Variants in EPHA6 observed in about 807,000 individuals in gnomAD.
EPHA6 encodes EPH receptor A6, also known as ephrin type-A receptor 6.
Under a neutral mutation model 112.0 loss-of-function variants are expected in EPHA6, and 50 were observed. The ratio of observed to expected loss-of-function variants is 0.45; its 90% CI spans 0.36 to 0.56. The LOEUF (loss-of-function observed/expected upper bound fraction) is 0.56. Ranked by LOEUF, EPHA6 falls within the 20% of genes least tolerant of loss-of-function variation. The pLI is 0.00. For synonymous variants in EPHA6, 529 were observed against 490.7 expected, an observed-to-expected ratio of 1.08 and a Z score of -1.03; for missense variants, 1,280 against 1,417.4, an observed-to-expected ratio of 0.90 and a Z score of 1.56.
At chr3:97,048,973 A>G (rs2045600356) in intron 3 of EPHA6, among the ~76,000 whole-genome samples, 1 of 152,198 alleles carries the variant, frequency 6.6e-6, no homozygotes, top group African/African-American at 2.4e-5. Context: ...TAAAGACACG[A>G]AGGAGGTGAG....
At chr3:97,186,723 T>G (rs1338784069) in intron 3 of EPHA6, among the ~76,000 whole-genome samples, 1 of 152,122 alleles carries the variant, frequency 6.6e-6, no homozygotes, top group Non-Finnish European at 1.5e-5. Flanking sequence ...GGATCATTCA[T>G]TTTTGTTTTC....
chr3:97,618,880 T>G (rs2093788776), intron 13 of EPHA6, among the ~76,000 whole-genome samples: 1 of 151,756 alleles, frequency 6.6e-6, no homozygotes, highest in Non-Finnish European at 1.5e-5. Flanking sequence ...CTAAAAAAAT[T>G]GAAAAGGAAG....
At chr3:97,437,389 A>G (rs890339386) in intron 6 of EPHA6, among the ~76,000 whole-genome samples, 2 of 152,116 alleles carry the variant, frequency 1.3e-5, no homozygotes, top group African/African-American at 4.8e-5. Context: ...CCATGTCGTT[A>G]TAATGGTTTA....
chr3:96,999,160 T>A (rs1489159286), intron 3 of EPHA6, among the ~76,000 whole-genome samples: 7 of 151,938 alleles, frequency 4.6e-5, no homozygotes, highest in African/African-American at 1.7e-4. Flanking sequence ...TACTTTGGAA[T>A]TGTAGTAGGC....
intron 3 of EPHA6, among the ~76,000 whole-genome samples, chr3:97,069,114 C>G (rs1169822995): frequency 1.3e-5 from 2 of 152,116 alleles, no homozygotes; most frequent in Non-Finnish European, 2.9e-5. Context: ...GTGACTACCC[C>G]ACAGTTTAAC....
intron 2 of EPHA6, among the ~76,000 whole-genome samples, chr3:96,972,272 G>A (rs1340180485): frequency 1.3e-4 from 20 of 151,876 alleles, no homozygotes. Context: ...GTCCTTTTTA[G>A]TCTATAACTG....
intron 14 of EPHA6, among the ~76,000 whole-genome samples, chr3:97,671,198 G>A (rs1272135880): frequency 6.6e-6 from 1 of 152,168 alleles, no homozygotes; most frequent in Non-Finnish European, 1.5e-5. Flanking sequence ...CTCCCTGTGA[G>A]CATAAATAAC....
chr3:97,382,940 T>C (rs2085839075), intron 5 of EPHA6, among the ~76,000 whole-genome samples: 1 of 152,016 alleles, frequency 6.6e-6, no homozygotes, highest in African/African-American at 2.4e-5. Flanking sequence ...TCTACTCATG[T>C]CCTGAAGATT....
chr3:96,971,128 C>G (rs2042302741), intron 2 of EPHA6, among the ~76,000 whole-genome samples: 1 of 151,896 alleles, frequency 6.6e-6, no homozygotes, highest in African/African-American at 2.4e-5. Context: ...CCATTTAAGG[C>G]CTTTTGGACA....
At chr3:96,974,317 A>G (rs952696768) in intron 2 of EPHA6, among the ~76,000 whole-genome samples, 24 of 149,476 alleles carry the variant, frequency 1.6e-4, no homozygotes, top group Non-Finnish European at 1.6e-4. Context: ...TTATATGTTG[A>G]TGGGGAAGGG....
At chr3:97,729,816 A>G (rs1043150736) in intron 15 of EPHA6, among the ~76,000 whole-genome samples, 6 of 151,936 alleles carry the variant, frequency 3.9e-5, no homozygotes, top group African/African-American at 1.4e-4. Context: ...CCTAATCTGT[A>G]TAAATAATCG....
At chr3:97,688,234 G>A (rs1021341629) in intron 14 of EPHA6, among the ~76,000 whole-genome samples, 7 of 151,994 alleles carry the variant, frequency 4.6e-5, no homozygotes, top group African/African-American at 1.2e-4. Context: ...ATTTCTTCGA[G>A]TATATTTCTT....
intron 3 of EPHA6, among the ~76,000 whole-genome samples, chr3:97,174,748 G>GT (rs561142468): frequency 4.0e-5 from 6 of 151,694 alleles, no homozygotes; most frequent in Non-Finnish European, 4.4e-5. Flanking sequence ...GATTATTATA[G>GT]TTTTTTTCCC....
At position 96,837,073 on chromosome 3, in the gene EPHA6, C is replaced by T. The variant is rs144828704; in HGVS notation, c.385+22065C>T. Among the ~76,000 whole-genome samples the T allele has an allele frequency of 3.3e-5, 5 of 152,082 alleles. No individual in the cohort carries two copies. In the East Asian group the frequency reaches 9.7e-4, roughly 29 times the overall value. ...AGACTGAGTGATAAGATAGGGAGGC[C>T]AAGAGGAATTCCTTGATACAAAGGT... On this transcript the variant is annotated intron_variant, in intron 1 of 17. Coordinates refer to ENST00000389672, the MANE Select transcript of EPHA6 (RefSeq NM_001080448.3).
intron 5 of EPHA6, among the ~76,000 whole-genome samples, chr3:97,281,859 T>C (rs2080297411): frequency 6.6e-6 from 1 of 152,174 alleles, no homozygotes; most frequent in Admixed American, 6.5e-5. Context: ...TTAAATTTGG[T>C]TGAATTTTTT....
At chr3:97,298,662 A>T (rs1289330450) in intron 5 of EPHA6, among the ~76,000 whole-genome samples, 1 of 152,128 alleles carries the variant, frequency 6.6e-6, no homozygotes, top group Non-Finnish European at 1.5e-5. Context: ...TAATCCTAAA[A>T]AAAAGAAATA....
intron 5 of EPHA6, among the ~76,000 whole-genome samples, chr3:97,308,443 T>C (rs926058134): frequency 2.3e-4 from 35 of 151,802 alleles, no homozygotes; most frequent in African/African-American, 8.5e-4. Context: ...CCTTCTACTT[T>C]ACAAATTAGT....
chr3:97,216,851 G>A (rs1011749290), intron 3 of EPHA6, among the ~76,000 whole-genome samples: 4 of 152,108 alleles, frequency 2.6e-5, no homozygotes, highest in African/African-American at 9.7e-5. Context: ...TAGTAGATAG[G>A]AAAAGGACAT....
At chr3:97,154,674 C>T (rs1011696561) in intron 3 of EPHA6, among the ~76,000 whole-genome samples, 9 of 152,158 alleles carry the variant, frequency 5.9e-5, no homozygotes, top group Admixed American at 5.9e-4. Context: ...AATGCTATAA[C>T]ATTTATAGTA....
Sources: gnomAD v4.1 joint callset for allele counts (sites outside exome capture counted in the v4.1 genomes callset) on GRCh38, gnomAD v4.1.1 for gene constraint, MANE v1.5 for transcripts, NCBI Gene and HGNC (gene_info 2026-07-23, HGNC 2026-07-21) for gene names.